The following BLTP1 variants were observed in gnomAD, a reference collection of about 807,000 sequenced individuals.
BLTP1 encodes bridge-like lipid transfer protein family member 1, also known as fragile site-associated protein.
At chr4:122,330,515 G>A in the BLTP1 span, among the ~76,000 whole-genome samples, 1 of 151,832 alleles carries the variant, frequency 6.6e-6, no homozygotes, top group Admixed American at 6.6e-5. Flanking sequence ...CTTGTTGGCT[G>A]ATTCTTTGGA....
the BLTP1 span, among the ~76,000 whole-genome samples, chr4:122,329,058 C>T: frequency 6.6e-6 from 1 of 151,724 alleles, no homozygotes; most frequent in Non-Finnish European, 1.5e-5. Context: ...TCCTCCCTTT[C>T]CTAGACTGAA....
At chr4:122,336,996 T>A in the BLTP1 span, 1 of 1,610,234 alleles carries the variant, frequency 6.2e-7, no homozygotes. Context: ...TCCCTGTAGA[T>A]GTTGTGGTTT....
the BLTP1 span, chr4:122,175,316 T>C: frequency 1.1e-6 from 1 of 948,304 alleles, no homozygotes; most frequent in Non-Finnish European, 1.3e-6. Context: ...AATAAAAAGC[T>C]CAGAGACTGT....
chr4:122,348,550 G>A, the BLTP1 span: 1 of 1,571,130 alleles, frequency 6.4e-7, no homozygotes, highest in Non-Finnish European at 8.6e-7. Flanking sequence ...ACATGTATTT[G>A]ATTTTTCTAT....
the BLTP1 span, chr4:122,214,274 A>G: frequency 3.2e-6 from 3 of 938,630 alleles, no homozygotes; most frequent in Non-Finnish European, 2.5e-6. Context: ...ATATACCAAA[A>G]TACCATTATG....
the BLTP1 span, chr4:122,264,378 T>C: frequency 1.9e-6 from 3 of 1,611,466 alleles, no homozygotes; most frequent in African/African-American, 2.7e-5. Flanking sequence ...GTGGCAGGTG[T>C]AGAAGAAGCA....
At chr4:122,210,809 T>C in the BLTP1 span, 1 of 1,539,764 alleles carries the variant, frequency 6.5e-7, no homozygotes, top group South Asian at 1.3e-5. Flanking sequence ...TTAGTGAATA[T>C]TTCCTTGAAG....
the BLTP1 span, among the ~76,000 whole-genome samples, chr4:122,264,898 G>C: frequency 1.3e-5 from 2 of 152,200 alleles, no homozygotes; most frequent in African/African-American, 2.4e-5. Context: ...AGTTCACCCA[G>C]TGGTAATGAG....
At chr4:122,324,423 T>G in the BLTP1 span, 1 of 1,608,216 alleles carries the variant, frequency 6.2e-7, no homozygotes, top group Non-Finnish European at 8.5e-7. Context: ...TCCCATTTTG[T>G]TAGGCTGCTT....
the BLTP1 span, among the ~76,000 whole-genome samples, chr4:122,158,558 G>A: frequency 6.6e-6 from 1 of 152,066 alleles, no homozygotes; most frequent in African/African-American, 2.4e-5. Flanking sequence ...ACAAGGTCAG[G>A]AGATTGAGAC....
At chr4:122,315,788 G>C in the BLTP1 span, 2 of 1,075,742 alleles carry the variant, frequency 1.9e-6, no homozygotes, top group South Asian at 3.0e-5. Flanking sequence ...GTTGCTATTT[G>C]TGGAGGAAGA....
the BLTP1 span, among the ~76,000 whole-genome samples, chr4:122,345,239 A>G: frequency 6.6e-6 from 1 of 152,178 alleles, no homozygotes; most frequent in Non-Finnish European, 1.5e-5. Context: ...GTAGACAAAT[A>G]AATGAGTCCA....
At chr4:122,319,594 T>G in the BLTP1 span, among the ~76,000 whole-genome samples, 6 of 149,394 alleles carry the variant, frequency 4.0e-5, no homozygotes, top group African/African-American at 1.2e-4. Context: ...CAGATTGGAG[T>G]GAAGTGGTGT....
At chr4:122,356,770 C>G in the BLTP1 span, 37 of 1,602,516 alleles carry the variant, frequency 2.3e-5, no homozygotes, top group Admixed American at 6.2e-4. Flanking sequence ...GTGGAATACT[C>G]TTTTTCTTTT....
At chr4:122,312,159 C>T in the BLTP1 span, among the ~76,000 whole-genome samples, 1 of 152,118 alleles carries the variant, frequency 6.6e-6, no homozygotes, top group South Asian at 2.1e-4. Flanking sequence ...CCTCAGCCCC[C>T]CAAGTAGCTG....
chr4:122,196,800 TATA>T, the BLTP1 span: 1 of 1,417,642 alleles, frequency 7.1e-7, no homozygotes, highest in Non-Finnish European at 9.7e-7. Flanking sequence ...GGGTAATTAT[TATA>T]ATAATATAGT....
At chr4:122,246,888 A>C in the BLTP1 span, 5 of 1,542,410 alleles carry the variant, frequency 3.2e-6, no homozygotes, top group African/African-American at 6.9e-5. Context: ...TTTTCTTTTA[A>C]AAATACATTT....
At chr4:122,325,428 A>C in the BLTP1 span, 1 of 1,407,852 alleles carries the variant, frequency 7.1e-7, no homozygotes, top group Non-Finnish European at 9.3e-7. Context: ...ACTATAATCA[A>C]AGTATGGATT....
chr4:122,221,679 A>G, the BLTP1 span: 5 of 466,772 alleles, frequency 1.1e-5, no homozygotes, highest in African/African-American at 1.1e-4. Flanking sequence ...AACCTTAAAA[A>G]AAAAAACCTC....
Sources: allele counts gnomAD v4.1 joint callset (sites outside exome capture counted in the v4.1 genomes callset), GRCh38; gene constraint gnomAD v4.1.1; transcripts MANE v1.5; gene names NCBI Gene and HGNC (gene_info 2026-07-23, HGNC 2026-07-21).